The following PRKAR2A variants were observed in gnomAD, a reference collection of about 807,000 sequenced individuals.
The protein encoded by PRKAR2A is protein kinase cAMP-dependent type II regulatory subunit alpha, also known as cAMP-dependent protein kinase type II-alpha regulatory subunit.
In PRKAR2A, 29 loss-of-function variants were observed where a neutral mutation model predicts 51.9. That is an observed-to-expected ratio of 0.56 (90% CI 0.42 to 0.76). The LOEUF (loss-of-function observed/expected upper bound fraction) is 0.76. Ranked by LOEUF, PRKAR2A falls within the 30% of genes least tolerant of loss-of-function variation. The pLI is 0.00. For synonymous variants in PRKAR2A, 178 were observed against 186.2 expected, an observed-to-expected ratio of 0.96 and a Z score of 0.36; for missense variants, 445 against 512.1, an observed-to-expected ratio of 0.87 and a Z score of 1.26.
intron 3 of PRKAR2A, among the ~76,000 whole-genome samples, chr3:48,792,010 A>C (rs2082397190): frequency 6.6e-6 from 1 of 152,074 alleles, no homozygotes; most frequent in Non-Finnish European, 1.5e-5. Context: ...TTTTACAATA[A>C]CTAGAATAAA....
intron 9 of PRKAR2A, among the ~76,000 whole-genome samples, chr3:48,754,932 G>A (rs1411953103): frequency 6.7e-6 from 1 of 148,670 alleles, no homozygotes; most frequent in Non-Finnish European, 1.5e-5. Flanking sequence ...AAAAAAGAGA[G>A]AGAGAGAAAA....
chr3:48,809,916 C>T (rs1016202136), intron 1 of PRKAR2A, among the ~76,000 whole-genome samples: 1 of 152,172 alleles, frequency 6.6e-6, no homozygotes, highest in Non-Finnish European at 1.5e-5. Flanking sequence ...CTACTCACAT[C>T]TACTTCATTA....
At position 48,755,801 on chromosome 3, in the gene PRKAR2A, C is replaced by T. The variant is rs571203725; in HGVS notation, c.939+578G>A. Among the ~76,000 whole-genome samples, 14 of 124,842 alleles carry T rather than the reference C, an allele frequency of 1.1e-4. No homozygotes were observed. In the East Asian group the frequency reaches 1.7e-3, roughly 15 times the overall value. 81.9% of individuals were successfully genotyped at this position (124,842 alleles called of 152,430 possible). Reference sequence around the variant, plus strand: ...TTTCCTTTTTTTTTTTTTTTTTTGACGGAGTCTCGCTCTGTCGCCCAGGCT... The same window carrying T: ...TTTCCTTTTTTTTTTTTTTTTTTGATGGAGTCTCGCTCTGTCGCCCAGGCT... On this transcript the variant is annotated intron_variant, in intron 9 of 10. Transcript: ENST00000265563.
In PRKAR2A at chr3:48,749,158, A is replaced by T. The variant is rs1424303948; in HGVS notation, c.*2427T>A. ...TTAACAAGTTAAAAAGAAACAAAAA[A>T]TCATATTGGAAATGGCCTCTTGGTT... On this transcript the variant is annotated 3_prime_UTR_variant, in exon 11 of 11. Transcript: ENST00000265563. 6.6e-6 allele frequency: 1 copy of T among 152,190 alleles called. No homozygotes were observed. Among genetic ancestry groups the T allele is most frequent in the Non-Finnish European group, 1.5e-5 (1 of 68,040 alleles). The allele number at this position is 152,190 out of a possible 1,614,324, so 9.4% of individuals were successfully genotyped here. A position where few individuals can be genotyped will look rare whatever the true frequency, so the allele number is the denominator to read the frequency against.
rs555219451 is a variant in PRKAR2A at position 48,817,403 on chromosome 3, G to A, written c.263-9719C>T. On this transcript the variant is annotated intron_variant, in intron 1 of 10. Coordinates refer to ENST00000265563, the MANE Select transcript of PRKAR2A (RefSeq NM_004157.4). ...GTGGTGGCTCACGCCTGTAATCCCA[G>A]CACTTTGGGAGGCCAAGGTGGGTGG... 4.6e-3 allele frequency among the ~76,000 whole-genome samples: 694 copies of A among 151,914 alleles called. 4 individuals carry two copies. The highest frequency in any genetic ancestry group is 7.7e-3 in the Non-Finnish European group (526 of 67,964).
intron 1 of PRKAR2A, among the ~76,000 whole-genome samples, chr3:48,844,876 T>C (rs2107474562): frequency 6.7e-6 from 1 of 149,776 alleles, no homozygotes; most frequent in Admixed American, 6.7e-5. Context: ...ATATACCTAA[T>C]GCTAAATGAC....
intron 2 of PRKAR2A, among the ~76,000 whole-genome samples, chr3:48,801,021 G>A (rs2082581177): frequency 6.6e-6 from 1 of 151,884 alleles, no homozygotes; most frequent in Non-Finnish European, 1.5e-5. Flanking sequence ...CTCACTCATC[G>A]TCCAGAATGG....
chr3:48,802,359 A>G (rs2082604060), intron 2 of PRKAR2A, among the ~76,000 whole-genome samples: 1 of 152,164 alleles, frequency 6.6e-6, no homozygotes, highest in African/African-American at 2.4e-5. Flanking sequence ...CTTTAAATGA[A>G]GGTCTGAAGA....
intron 1 of PRKAR2A, among the ~76,000 whole-genome samples, chr3:48,832,594 A>T (rs1454737783): frequency 6.6e-6 from 1 of 152,172 alleles, no homozygotes; most frequent in Non-Finnish European, 1.5e-5. Flanking sequence ...CACATGCTTT[A>T]AGAGACACAA....
At chr3:48,765,880 C>G (rs141374223) in intron 6 of PRKAR2A, among the ~76,000 whole-genome samples, 2,027 of 151,928 alleles carry the variant, frequency 0.013, 40 homozygotes, top group Non-Finnish European at 0.015. Flanking sequence ...TGTTCTTACC[C>G]TAAAAAAGTT....
At chr3:48,811,730 C>T (rs151303803) in intron 1 of PRKAR2A, among the ~76,000 whole-genome samples, 33 of 151,988 alleles carry the variant, frequency 2.2e-4, no homozygotes, top group Non-Finnish European at 4.6e-4. Context: ...AGAGAGCTGC[C>T]GTGGGTGCAT....
chr3:48,801,770 C>T (rs2082594546), intron 2 of PRKAR2A, among the ~76,000 whole-genome samples: 1 of 151,648 alleles, frequency 6.6e-6, no homozygotes, highest in Non-Finnish European at 1.5e-5. Flanking sequence ...GAGTTTAATA[C>T]TTGTTGCCCA....
At position 48,831,501 on chromosome 3, in the gene PRKAR2A, C is replaced by T. The variant is rs564988011; in HGVS notation, c.262+15834G>A. Among the ~76,000 whole-genome samples the T allele has an allele frequency of 1.0e-3, 156 of 151,652 alleles. 1 individual carries two copies. Among genetic ancestry groups the T allele is most frequent in the African/African-American group, 3.2e-3 (133 of 41,324 alleles). ...CCCACCTCAGCCTCTCTAGTAGCTA[C>T]AACTATAGGCGTGCATCACCACACC... On this transcript the variant is annotated intron_variant, in intron 1 of 10. Coordinates refer to ENST00000265563, the MANE Select transcript of PRKAR2A (RefSeq NM_004157.4).
chr3:48,775,086 T>C (rs2082085344), intron 5 of PRKAR2A, among the ~76,000 whole-genome samples: 1 of 152,200 alleles, frequency 6.6e-6, no homozygotes, highest in South Asian at 2.1e-4. Flanking sequence ...TCAAATGCTT[T>C]GCTGTAGGTA....
intron 5 of PRKAR2A, among the ~76,000 whole-genome samples, chr3:48,773,585 G>A (rs1415631351): frequency 1.1e-4 from 17 of 151,866 alleles, no homozygotes; most frequent in Middle Eastern, 3.4e-3. Flanking sequence ...TGATCCGCCC[G>A]CCTCAGCCTC....
chr3:48,801,299 C>T (rs2082586347), intron 2 of PRKAR2A, among the ~76,000 whole-genome samples: 1 of 151,736 alleles, frequency 6.6e-6, no homozygotes, highest in Non-Finnish European at 1.5e-5. Context: ...ATTACAGGCA[C>T]CTGCCACCAT....
intron 8 of PRKAR2A, among the ~76,000 whole-genome samples, chr3:48,759,766 G>A (rs2081836112): frequency 6.6e-6 from 1 of 152,178 alleles, no homozygotes; most frequent in Non-Finnish European, 1.5e-5. Context: ...ACATTCAACA[G>A]TAAAGAAGCC....
chr3:48,745,442 G>A (rs2081553299), downstream of PRKAR2A, among the ~76,000 whole-genome samples: 1 of 150,396 alleles, frequency 6.6e-6, no homozygotes, highest in African/African-American at 2.5e-5. Context: ...CTAATTTTAT[G>A]TGTTAACTTG....
chr3:48,840,366 A>G (rs1284436912), intron 1 of PRKAR2A, among the ~76,000 whole-genome samples: 1 of 151,530 alleles, frequency 6.6e-6, no homozygotes, highest in Non-Finnish European at 1.5e-5. Context: ...ATGGTGGCAC[A>G]CGCCTGTAAT....
Sources: gnomAD v4.1 joint callset for allele counts (sites outside exome capture counted in the v4.1 genomes callset) on GRCh38, gnomAD v4.1.1 for gene constraint, MANE v1.5 for transcripts, NCBI Gene and HGNC (gene_info 2026-07-23, HGNC 2026-07-21) for gene names.